Variants in GPC5 observed in about 807,000 individuals in gnomAD.
GPC5 encodes glypican-5.
GPC5 carries 47 observed loss-of-function variants against 53.9 expected under a neutral mutation model. That is an observed-to-expected ratio of 0.87 (90% CI 0.69 to 1.11). The LOEUF (loss-of-function observed/expected upper bound fraction) is 1.11. Ranked by LOEUF, GPC5 falls within the 50% of genes most tolerant of loss-of-function variation. GPC5 has a pLI of 0.00. For synonymous variants in GPC5, 286 were observed against 263.3 expected, an observed-to-expected ratio of 1.09 and a Z score of -0.84; for missense variants, 748 against 713.1, an observed-to-expected ratio of 1.05 and a Z score of -0.56.
intron 2 of GPC5, among the ~76,000 whole-genome samples, chr13:91,452,668 T>G (rs1399688342): frequency 6.6e-6 from 1 of 152,234 alleles, no homozygotes; most frequent in South Asian, 2.1e-4. Context: ...TAGGGGAAAT[T>G]GATGGAGAGT....
intron 6 of GPC5, among the ~76,000 whole-genome samples, chr13:91,958,030 T>A (rs1006598340): frequency 6.6e-6 from 1 of 151,404 alleles, no homozygotes; most frequent in Non-Finnish European, 1.5e-5. Context: ...CACATATTGA[T>A]AATAACCTTG....
chr13:92,043,843 G>T (rs893972597), intron 6 of GPC5, among the ~76,000 whole-genome samples: 1 of 152,188 alleles, frequency 6.6e-6, no homozygotes, highest in Non-Finnish European at 1.5e-5. Context: ...AAGAATACAT[G>T]TGAATGATCC....
intron 5 of GPC5, among the ~76,000 whole-genome samples, chr13:91,861,881 T>A (rs913413327): frequency 2.0e-5 from 3 of 151,514 alleles, no homozygotes; most frequent in Non-Finnish European, 2.9e-5. Flanking sequence ...TATAGTTAAC[T>A]AATCTAAATT....
At chr13:92,671,334 T>C (rs959444457) in intron 7 of GPC5, among the ~76,000 whole-genome samples, 2 of 152,192 alleles carry the variant, frequency 1.3e-5, no homozygotes, top group African/African-American at 2.4e-5. Context: ...TGCTCAGCCA[T>C]GGATTCACTG....
At position 92,695,511 on chromosome 13, in the gene GPC5, G is replaced by GT. The variant is rs199640298; in HGVS notation, c.1562-170762dup. On this transcript the variant is annotated intron_variant, in intron 7 of 7. Transcript: ENST00000377067. The stretch of plus-strand genomic sequence containing the variant: ...TATTTCCTTCCAAGTATTTATATCT[G>GT]TTTTTTTTTCATCTTGTGAAATTTG... 0.011 allele frequency among the ~76,000 whole-genome samples: 1,590 copies of GT among 149,616 alleles called. 77 individuals carry two copies. The East Asian group carries it at 0.12, about 11-fold the overall frequency.
chr13:92,191,292 A>G (rs1310852727), intron 7 of GPC5, among the ~76,000 whole-genome samples: 2 of 152,174 alleles, frequency 1.3e-5, no homozygotes, highest in Admixed American at 1.3e-4. Flanking sequence ...TCAACATCAT[A>G]TGTCTTAAGA....
chr13:92,192,083 G>A (rs183583117), intron 7 of GPC5, among the ~76,000 whole-genome samples: 27 of 152,278 alleles, frequency 1.8e-4, no homozygotes, highest in African/African-American at 6.3e-4. Context: ...AGGGTTAGGA[G>A]GTGAAGGGGG....
chr13:92,531,560 G>A (rs950625101), intron 7 of GPC5, among the ~76,000 whole-genome samples: 8 of 152,058 alleles, frequency 5.3e-5, no homozygotes, highest in East Asian at 3.9e-4. Flanking sequence ...TACAGTATGT[G>A]TCTGTATAAA....
rs957600192 is a variant in GPC5, at chr13:92,278,806, C to G, written c.1561+133817C>G. ...ATCACTCCTCCCCCCGTTGACTTGT[C>G]TTGATACTCTTGTCAAAAATCAATT... On this transcript the variant is annotated intron_variant, in intron 7 of 7. Transcript: ENST00000377067. Among the ~76,000 whole-genome samples the G allele has an allele frequency of 7.2e-5, 11 of 151,970 alleles. 1 individual carries two copies. Among genetic ancestry groups the G allele is most frequent in the Admixed American group, 2.0e-4 (3 of 15,270 alleles).
chr13:92,070,494 A>G (rs1566422210), intron 6 of GPC5, among the ~76,000 whole-genome samples: 4 of 152,222 alleles, frequency 2.6e-5, no homozygotes, highest in Admixed American at 1.3e-4. Context: ...GTCTTCCCAG[A>G]TGATCCCAGA....
chr13:91,894,846 A>G (rs577159562), intron 5 of GPC5, among the ~76,000 whole-genome samples: 2 of 152,160 alleles, frequency 1.3e-5, no homozygotes, highest in African/African-American at 4.8e-5. Context: ...TAGGCATGCA[A>G]AAATAACAAG....
chr13:92,032,446 T>A (rs527872160), intron 6 of GPC5, among the ~76,000 whole-genome samples: 3,892 of 142,910 alleles, frequency 0.027, 156 homozygotes, highest in African/African-American at 0.087. Flanking sequence ...AATAAAAATT[T>A]AAAAAAAAAA....
intron 5 of GPC5, among the ~76,000 whole-genome samples, chr13:91,814,540 TA>T (rs1397644574): frequency 1.3e-5 from 2 of 151,980 alleles, no homozygotes; most frequent in South Asian, 2.1e-4. Flanking sequence ...TTTATTTATT[TA>T]TTTATTTATT....
intron 5 of GPC5, among the ~76,000 whole-genome samples, chr13:91,817,859 G>A (rs2038424233): frequency 6.6e-6 from 1 of 151,864 alleles, no homozygotes; most frequent in East Asian, 1.9e-4. Context: ...TCATTTCTTT[G>A]TGATTAGCTT....
chr13:91,609,164 G>A (rs1233226040), intron 2 of GPC5, among the ~76,000 whole-genome samples: 1 of 150,748 alleles, frequency 6.6e-6, no homozygotes, highest in African/African-American at 2.4e-5. Flanking sequence ...CCAGTTAACA[G>A]CACCAGCTCT....
chr13:92,140,053 A>T (rs2041818935), intron 6 of GPC5, among the ~76,000 whole-genome samples: 1 of 152,240 alleles, frequency 6.6e-6, no homozygotes, highest in Non-Finnish European at 1.5e-5. Flanking sequence ...AACGATGCAG[A>T]GTTAAAATTA....
At chr13:91,991,203 T>A (rs2040453185) in intron 6 of GPC5, among the ~76,000 whole-genome samples, 1 of 152,224 alleles carries the variant, frequency 6.6e-6, no homozygotes, top group South Asian at 2.1e-4. Flanking sequence ...TAAATTTCAC[T>A]TACCACCTTT....
chr13:92,551,221 AT>A (rs1170029687), intron 7 of GPC5, among the ~76,000 whole-genome samples: 1 of 151,530 alleles, frequency 6.6e-6, no homozygotes, highest in Admixed American at 6.6e-5. Flanking sequence ...ATAGTTTAAG[AT>A]TTTTTTGTGT....
At chr13:91,591,135 C>G (rs761927415) in intron 2 of GPC5, among the ~76,000 whole-genome samples, 3 of 152,192 alleles carry the variant, frequency 2.0e-5, no homozygotes, top group Non-Finnish European at 4.4e-5. Context: ...GTTAAAGACA[C>G]ATGTTCTTTC....
Sources: gnomAD v4.1 joint callset for allele counts (sites outside exome capture counted in the v4.1 genomes callset) on GRCh38, gnomAD v4.1.1 for gene constraint, MANE v1.5 for transcripts, NCBI Gene and HGNC (gene_info 2026-07-23, HGNC 2026-07-21) for gene names.